SCAF11: variants seen among roughly 807,000 people sequenced by gnomAD.
SCAF11 encodes protein SCAF11.
A neutral mutation model predicts 140.5 loss-of-function variants in SCAF11; 47 were observed. The ratio of observed to expected loss-of-function variants is 0.33; its 90% CI spans 0.26 to 0.43. The LOEUF (loss-of-function observed/expected upper bound fraction) is 0.43. Among genes scored for constraint, SCAF11 ranks in the 20% least tolerant of loss-of-function variants. The pLI, the probability that SCAF11 is intolerant of heterozygous loss-of-function variation, is 1.00. For synonymous variants in SCAF11, 557 were observed against 579.4 expected (o/e 0.96, Z 0.55); for missense variants, 1,645 against 1,705.1 (o/e 0.96, Z 0.62).
chr12:45,972,869 T>G (rs1281855654), intron 1 of SCAF11, among the ~76,000 whole-genome samples: 7 of 54,332 alleles, frequency 1.3e-4, no homozygotes, highest in Non-Finnish European at 1.6e-4. Flanking sequence ...TATATCGATA[T>G]ATATATATAT....
At chr12:45,990,800 G>A (rs1037410495), upstream of SCAF11, among the ~76,000 whole-genome samples, 1 of 152,228 alleles carries the variant, frequency 6.6e-6, no homozygotes, top group African/African-American at 2.4e-5. Flanking sequence ...AAGCGTGGTG[G>A]GTGGAGTCAC....
At chr12:45,953,269 C>T (rs1449546738) in intron 3 of SCAF11, among the ~76,000 whole-genome samples, 1 of 152,176 alleles carries the variant, frequency 6.6e-6, no homozygotes, top group Non-Finnish European at 1.5e-5. Context: ...AATGCATTGT[C>T]TAGTTCGAAG....
In SCAF11 at chr12:45,926,531, T is replaced by C. The variant is rs1388041896; in HGVS notation, c.3170A>G (p.Asn1057Ser). 3 of 1,613,048 alleles carry C rather than the reference T, an allele frequency of 1.9e-6. No homozygotes were observed. The highest frequency in any genetic ancestry group is 1.7e-6 in the Non-Finnish European group (2 of 1,179,802). Residue 1057 changes from asparagine to serine, a missense_variant, in exon 11 of 15, where the codon AAT becomes AGT. Coordinates refer to ENST00000369367, the MANE Select transcript of SCAF11 (RefSeq NM_004719.3). ...AGAACCAAAGTTTTTATTCCAAGAA[T>C]TTCCTGAATTTTCATTTCTATTTTC... The part of the protein sequence containing the change: ...WEENRNENSG[N>S]SWNKNFGSGW...
intron 6 of SCAF11, among the ~76,000 whole-genome samples, chr12:45,941,822 C>A (rs1419448032): frequency 1.3e-5 from 2 of 152,156 alleles, no homozygotes; most frequent in Admixed American, 1.3e-4. Context: ...TGTTTGAACT[C>A]CATGGGTCTG....
intron 13 of SCAF11, 123 bp from the exon 14 acceptor site, chr12:45,922,705 A>C: frequency 1.0e-6 from 1 of 1,001,076 alleles, no homozygotes; most frequent in South Asian, 1.7e-5. Context: ...TAACGTGACA[A>C]ATATAAAACA....
rs752833115 is a variant in SCAF11, at chr12:45,923,169, TATC to T, written c.3907-18_3907-16del. ...CTAGGAATACCCTGTTTTAAAGAGTTATCATCAGTTAATGAATTACTTGTACTC... is the reference window on the plus strand; with the variant it reads ...CTAGGAATACCCTGTTTTAAAGAGTTATCAGTTAATGAATTACTTGTACTC... On this transcript the variant is annotated splice_polypyrimidine_tract_variant and intron_variant, in intron 12 of 14. Transcript: ENST00000369367. 1.0e-5 allele frequency: 16 copies of T among 1,593,970 alleles called. No individual in the cohort carries two copies. The highest frequency in any genetic ancestry group is 1.3e-5 in the Non-Finnish European group (15 of 1,161,886).
At chr12:45,951,152 A>T (rs1372216123) in intron 4 of SCAF11, among the ~76,000 whole-genome samples, 1 of 152,112 alleles carries the variant, frequency 6.6e-6, no homozygotes, top group African/African-American at 2.4e-5. Context: ...TTTATTGGCT[A>T]ATTTCAAAAT....
intron 2 of SCAF11, among the ~76,000 whole-genome samples, chr12:45,962,430 T>C (rs1457331347): frequency 1.3e-5 from 2 of 152,184 alleles, no homozygotes; most frequent in African/African-American, 4.8e-5. Flanking sequence ...TTCCTAAAAA[T>C]GGAACTGCTA....
intron 3 of SCAF11, 68 bp from the exon 4 acceptor site, chr12:45,951,795 T>A (rs773692405): frequency 1.0e-6 from 1 of 996,784 alleles, no homozygotes; most frequent in African/African-American, 1.7e-5. Flanking sequence ...AATACAATTA[T>A]AAATTTTCCA....
At chr12:45,973,286 A>C (rs768580761) in intron 1 of SCAF11, among the ~76,000 whole-genome samples, 1 of 151,760 alleles carries the variant, frequency 6.6e-6, no homozygotes, top group Non-Finnish European at 1.5e-5. Context: ...AACATTGAAA[A>C]AAAAATATTA....
chr12:45,928,289 C>T lies in SCAF11; in HGVS notation c.1412G>A (p.Gly471Glu), dbSNP rs1486567769. 1.2e-5 allele frequency: 20 copies of T among 1,613,850 alleles called. No individual in the cohort carries two copies. The highest frequency in any genetic ancestry group is 1.7e-5 in the Non-Finnish European group (20 of 1,179,974). ...TANYDTEERV[G>E]SSSSESCAQD... ...AGCACAAGACTCAGAAGATGAAGATCCTACTCTTTCCTCTGTATCATAATT... is the reference window on the plus strand; with the variant it reads ...AGCACAAGACTCAGAAGATGAAGATTCTACTCTTTCCTCTGTATCATAATT... The change falls in exon 11 of 15, where the codon GGA (glycine) becomes GAA (glutamate). Residue 471 changes from glycine to glutamate, a missense_variant. Coordinates refer to ENST00000369367, the MANE Select transcript of SCAF11 (RefSeq NM_004719.3).
chr12:45,976,177 C>T (rs1317287906), intron 1 of SCAF11, among the ~76,000 whole-genome samples: 1 of 152,060 alleles, frequency 6.6e-6, no homozygotes, highest in Non-Finnish European at 1.5e-5. Flanking sequence ...GTGGTAAGAC[C>T]TCTATTTCAC....
chr12:45,931,722 A>T (rs1438297305), intron 9 of SCAF11, 110 bp from the exon 10 acceptor site: 3 of 510,312 alleles, frequency 5.9e-6, no homozygotes, highest in Non-Finnish European at 1.0e-5. Flanking sequence ...TACAGTGCTT[A>T]AATGTTTTTT....
In SCAF11 at chr12:45,926,314, C is replaced by T. The variant is rs376290267; in HGVS notation, c.3387G>A (p.Gln1129=). Residue 1129 remains glutamine, a synonymous_variant, in exon 11 of 15, where the codon CAG becomes CAA. Transcript: ENST00000369367. ...EQQSYKRKSE[Q]EFSFDTPADR... ...CTGCTGGTGTATCAAATGAGAACTC[C>T]TGTTCACTTTTTCGCTTATAGGATT... The T allele has an allele frequency of 3.1e-6, 5 of 1,614,066 alleles. No homozygotes were observed. The African/African-American group carries it at 5.3e-5, about 17-fold the overall frequency.
At chr12:45,972,920 A>C (rs71445722) in intron 1 of SCAF11, among the ~76,000 whole-genome samples, 2,162 of 30,804 alleles carry the variant, frequency 0.07, 154 homozygotes, top group East Asian at 0.11. Context: ...ATATATATAT[A>C]GATATATAGA....
chr12:45,935,455 G>A (rs1197348752), intron 6 of SCAF11, among the ~76,000 whole-genome samples: 6 of 152,146 alleles, frequency 3.9e-5, no homozygotes, highest in African/African-American at 7.2e-5. Context: ...AAGATGATAC[G>A]CTGATTTTTT....
intron 1 of SCAF11, among the ~76,000 whole-genome samples, chr12:45,965,646 G>A (rs982993230): frequency 5.3e-5 from 8 of 152,108 alleles, no homozygotes; most frequent in East Asian, 1.9e-4. Flanking sequence ...TTCCTGAACT[G>A]ATGCAAGACA....
rs149443046 is a variant in SCAF11 at position 45,981,255 on chromosome 12, A to G, written c.-22+9098T>C. ...ATGATTTGTTCGACACCATAAAAGT[A>G]TATCAGTAAGACATGTTAATGAGAA... On this transcript the variant is annotated intron_variant, in intron 1 of 14. Coordinates refer to ENST00000369367, the MANE Select transcript of SCAF11 (RefSeq NM_004719.3). Among the ~76,000 whole-genome samples, 174 of 152,350 alleles carry G rather than the reference A, an allele frequency of 1.1e-3. 1 individual carries two copies. The highest frequency in any genetic ancestry group is 4.0e-3 in the African/African-American group (166 of 41,582).
chr12:45,991,418 C>T (rs1013289407), upstream of SCAF11, among the ~76,000 whole-genome samples: 3 of 152,118 alleles, frequency 2.0e-5, no homozygotes, highest in African/African-American at 7.2e-5. Flanking sequence ...TAAAATTAAC[C>T]GGCCGTGGTG....
Sources: gnomAD v4.1 joint callset for allele counts (sites outside exome capture counted in the v4.1 genomes callset) on GRCh38, gnomAD v4.1.1 for gene constraint, MANE v1.5 for transcripts, NCBI Gene and HGNC (gene_info 2026-07-23, HGNC 2026-07-21) for gene names.